The following OTOG variants were observed in gnomAD, a reference collection of about 807,000 sequenced individuals.
OTOG encodes otogelin.
OTOG carries 296 observed loss-of-function variants against 313.8 expected under a neutral mutation model. The ratio of observed to expected loss-of-function variants is 0.94; its 90% CI spans 0.86 to 1.04. The LOEUF (loss-of-function observed/expected upper bound fraction) is 1.04, where lower values mean the gene tolerates loss of function less well. Among genes scored for constraint, OTOG ranks in the 50% least tolerant of loss-of-function variants. The probability of loss-of-function intolerance (pLI) is 0.00; values close to 1 mark genes in which losing one functional copy is unlikely to be tolerated. For synonymous variants in OTOG, 1,533 were observed against 1,554.9 expected, an observed-to-expected ratio of 0.99 and a Z score of 0.33; for missense variants, 3,948 against 3,840.1, an observed-to-expected ratio of 1.03 and a Z score of -0.74.
At chr11:17,552,694 C>A (rs1365885677) in intron 4 of OTOG, among the ~76,000 whole-genome samples, 3 of 150,990 alleles carry the variant, frequency 2.0e-5, no homozygotes, top group African/African-American at 7.4e-5. Context: ...TTGCTACAGG[C>A]CTCTCCTCCA....
intron 15 of OTOG, among the ~76,000 whole-genome samples, chr11:17,562,252 A>G (rs1852206952): frequency 6.7e-6 from 1 of 149,426 alleles, no homozygotes; most frequent in South Asian, 2.1e-4. Context: ...AAAAAAAAAA[A>G]AAAAAAGAAA....
At chr11:17,593,171 G>A in intron 25 of OTOG, 22 bp from the exon 26 acceptor site, 4 of 1,542,260 alleles carry the variant, frequency 2.6e-6, no homozygotes, top group Non-Finnish European at 2.6e-6. Flanking sequence ...TGTTTTATTG[G>A]ACTCACTTAT....
Position 17,642,008 on chromosome 11 carries a change from C to G in OTOG, c.8295+57C>G, listed in dbSNP as rs1847986076. 10 of 1,532,024 alleles carry G rather than the reference C, an allele frequency of 6.5e-6. No individual in the cohort carries two copies. The South Asian group carries it at 1.2e-4, about 19-fold the overall frequency. 94.9% of individuals were successfully genotyped at this position (1,532,024 alleles called of 1,614,324 possible). On this transcript the variant is annotated intron_variant, in intron 52 of 55. Transcript: ENST00000399397. ...GGTGTCCCAGAAGGGGACACCAGGA[C>G]TAGGGCCCTCTCTGGCTTGCAGGCC...
At chr11:17,557,094 G>A (rs1390791551) in intron 7 of OTOG, 24 bp from the exon 8 acceptor site, 2 of 1,546,284 alleles carry the variant, frequency 1.3e-6, no homozygotes, top group Admixed American at 2.0e-5. Flanking sequence ...TGGATACCCT[G>A]AAGCTCTGGG....
At chr11:17,568,656 G>A (rs1181816522) in intron 15 of OTOG, among the ~76,000 whole-genome samples, 1 of 152,194 alleles carries the variant, frequency 6.6e-6, no homozygotes, top group African/African-American at 2.4e-5. Flanking sequence ...TCCTGTGGAG[G>A]GAGGTATAAA....
At chr11:17,635,208 G>T in intron 46 of OTOG, 21 bp downstream of exon 46, 1 of 1,520,802 alleles carries the variant, frequency 6.6e-7, no homozygotes. Context: ...GCCACCAGAC[G>T]CCAGCGCACA....
chr11:17,612,474 T>C, intron 37 of OTOG, 144 bp downstream of exon 37: 1 of 1,385,218 alleles, frequency 7.2e-7, no homozygotes, highest in Non-Finnish European at 9.6e-7. Context: ...ACCTCTGATC[T>C]GTGTGATGCG....
chr11:17,594,322 T>C (rs1853035701), intron 28 of OTOG, among the ~76,000 whole-genome samples, 156 bp downstream of exon 28: 1 of 152,200 alleles, frequency 6.6e-6, no homozygotes, highest in South Asian at 2.1e-4. Flanking sequence ...CTAGACTCTG[T>C]CCTATGGCCC....
intron 28 of OTOG, among the ~76,000 whole-genome samples, chr11:17,594,424 C>T (rs1042766366): frequency 1.3e-5 from 2 of 152,172 alleles, no homozygotes; most frequent in South Asian, 2.1e-4. Context: ...GGGAAGGTGA[C>T]AAAGTCTGTC....
intron 39 of OTOG, among the ~76,000 whole-genome samples, chr11:17,623,684 A>G (rs112937396): frequency 2.0e-5 from 3 of 152,276 alleles, no homozygotes; most frequent in African/African-American, 7.2e-5. Flanking sequence ...TGCTGGGTCA[A>G]ATGGTAGTTG....
chr11:17,578,425 G>A lies in OTOG; in HGVS notation c.2658G>A (p.Thr886=), dbSNP rs761936271. The A allele has an allele frequency of 2.1e-5, 32 of 1,541,080 alleles. No individual in the cohort carries two copies. Among genetic ancestry groups the A allele is most frequent in the Admixed American group, 3.9e-5 (2 of 50,934 alleles). The change falls in exon 23 of 56, where the codon ACG becomes ACA. Residue 886 remains threonine (T), a synonymous_variant. Transcript: ENST00000399397. ...TCGTGAACTGCAGCGACCTGCACAC[G>A]GACCTGGAGCTGAGCAGGGAGAGGA... is the stretch of plus-strand genomic sequence containing the variant. The part of the protein sequence containing the change: ...QVFVNCSDLH[T]DLELSRERTC...
At chr11:17,591,365 C>T (rs1852927998) in intron 24 of OTOG, 85 bp from the exon 25 acceptor site, 1 of 1,504,610 alleles carries the variant, frequency 6.6e-7, no homozygotes, top group Non-Finnish European at 8.9e-7. Context: ...AGTGCACATG[C>T]ATTCGATAAG....
Position 17,639,483 on chromosome 11 carries a change from C to T in OTOG, c.7935+20C>T. 6.5e-7 allele frequency: 1 copy of T among 1,549,924 alleles called. No individual in the cohort carries two copies. The highest frequency in any genetic ancestry group is 8.7e-7 in the Non-Finnish European group (1 of 1,146,280). ...CATCTGGTATGGAGACGCTCCTCCC[C>T]CAACACTCCCTGGTCTGCTCCCCTT... On this transcript the variant is annotated intron_variant, in intron 49 of 55. Coordinates refer to ENST00000399397, the MANE Select transcript of OTOG (RefSeq NM_001292063.2).
At chr11:17,616,477 A>C (rs929686580) in intron 39 of OTOG, among the ~76,000 whole-genome samples, 1 of 152,174 alleles carries the variant, frequency 6.6e-6, no homozygotes, top group Non-Finnish European at 1.5e-5. Context: ...GAGAAGAATA[A>C]ATCTTAACAC....
intron 32 of OTOG, 71 bp downstream of exon 32, chr11:17,602,448 G>A: frequency 6.8e-7 from 1 of 1,473,680 alleles, no homozygotes; most frequent in Non-Finnish European, 9.1e-7. Flanking sequence ...GGAGGGTGCT[G>A]AGGCCCTAAG....
intron 39 of OTOG, among the ~76,000 whole-genome samples, chr11:17,622,034 C>A (rs1853877769): frequency 6.6e-6 from 1 of 152,046 alleles, no homozygotes; most frequent in Non-Finnish European, 1.5e-5. Context: ...TATGTTTACT[C>A]CCAGAACTCA....
rs1239814413 is a variant in OTOG, at chr11:17,611,440, G to T, written c.6123+17G>T. 6.7e-7 allele frequency: 1 copy of T among 1,496,726 alleles called. No homozygotes were observed. Among genetic ancestry groups the T allele is most frequent in the South Asian group, 1.3e-5 (1 of 76,410 alleles). 92.7% of individuals were successfully genotyped at this position (1,496,726 alleles called of 1,614,324 possible). ...ACCTGTGTTGTGAGTGATTTGCCAG[G>T]GTTCTGGCCACCCGTATGTGACCCT... On this transcript the variant is annotated intron_variant, in intron 36 of 55. Coordinates refer to ENST00000399397, the MANE Select transcript of OTOG (RefSeq NM_001292063.2).
intron 54 of OTOG, among the ~76,000 whole-genome samples, chr11:17,644,740 G>A (rs893303319): frequency 1.4e-5 from 2 of 141,110 alleles, no homozygotes; most frequent in Non-Finnish European, 3.0e-5. Flanking sequence ...AGGGGCCTGT[G>A]CAAAAGAAGG....
At chr11:17,567,767 G>A (rs1852318000) in intron 15 of OTOG, among the ~76,000 whole-genome samples, 1 of 152,168 alleles carries the variant, frequency 6.6e-6, no homozygotes, top group Admixed American at 6.5e-5. Flanking sequence ...CTTTTGCCTG[G>A]ATGTCTCCTT....
Sources: gnomAD v4.1 joint callset for allele counts (sites outside exome capture counted in the v4.1 genomes callset) on GRCh38, gnomAD v4.1.1 for gene constraint, MANE v1.5 for transcripts, NCBI Gene and HGNC (gene_info 2026-07-23, HGNC 2026-07-21) for gene names.